Variants in SLC38A2 observed in about 807,000 individuals in gnomAD.
SLC38A2 encodes sodium-coupled neutral amino acid symporter 2.
SLC38A2 carries 11 observed loss-of-function variants against 61.5 expected under a neutral mutation model. The observed-to-expected ratio is 0.18, with a 90% CI of 0.11 to 0.30. SLC38A2 has a LOEUF of 0.30. Ranked by LOEUF, SLC38A2 falls within the 10% of genes least tolerant of loss-of-function variation. SLC38A2 has a pLI of 1.00. For missense variants in SLC38A2, 522 were observed against 600.4 expected (o/e 0.87, Z 1.36); for synonymous variants, 217 against 212.5 (o/e 1.02, Z -0.18).
At chr12:46,362,063 T>C in intron 15 of SLC38A2, 1 of 455,420 alleles carries the variant, frequency 2.2e-6, no homozygotes, top group South Asian at 3.4e-5. Flanking sequence ...CCAAAGTATC[T>C]AATAACTTTA....
Position 46,367,099 on chromosome 12 carries a change from G to A in SLC38A2, c.458C>T (p.Ser153Leu). ...GLVGKLAASG[S>L]ITMQNIGAMS... ...ACCTCCAATGTTCTGCATTGTAATT[G>A]ATCCAGATGCTGCAAGCTTTCCAAC... Residue 153 changes from serine (S) to leucine (L), a missense_variant, in exon 6 of 16, where the codon TCA (serine) becomes TTA (leucine). By Grantham distance (145) the Ser-to-Leu change is moderately radical. This residue lies in a region of SLC38A2 where 111 missense variants were observed against 173.4 expected (regional missense o/e 0.64). Coordinates refer to ENST00000256689, the MANE Select transcript of SLC38A2 (RefSeq NM_018976.5). 2.5e-6 allele frequency: 4 copies of A among 1,614,012 alleles called. No homozygotes were observed. The highest frequency in any genetic ancestry group is 3.4e-6 in the Non-Finnish European group (4 of 1,179,960).
rs570936381 is a variant in SLC38A2 at position 46,371,335 on chromosome 12, G to A, written c.-42C>T. ...AATCGGGTGCAGCTAGTAGCGCTGG[G>A]CTCCTTTTGTCCTTGGCGGTGGGTG... On this transcript the variant is annotated 5_prime_UTR_variant, in exon 2 of 16. Transcript: ENST00000256689. 39 of 1,533,802 alleles carry A rather than the reference G, an allele frequency of 2.5e-5. No individual in the cohort carries two copies. The highest frequency in any genetic ancestry group is 3.3e-5 in the Non-Finnish European group (37 of 1,107,920).
intron 12 of SLC38A2, 125 bp from the exon 13 acceptor site, chr12:46,363,270 A>G (rs768287530): frequency 7.9e-6 from 9 of 1,141,384 alleles, no homozygotes; most frequent in Admixed American, 7.1e-5. Flanking sequence ...TAAGAGGCTA[A>G]TAAGATTTGT....
At position 46,359,366 on chromosome 12, in the gene SLC38A2, T is replaced by C. The variant is rs574237694; in HGVS notation, c.*1745A>G. The C allele has an allele frequency of 6.5e-6, 1 of 152,786 alleles. No individual in the cohort carries two copies. Among genetic ancestry groups the C allele is most frequent in the East Asian group, 1.9e-4 (1 of 5,192 alleles). 9.5% of individuals were successfully genotyped at this position (152,786 alleles called of 1,614,324 possible). On this transcript the variant is annotated 3_prime_UTR_variant, in exon 16 of 16. Transcript: ENST00000256689. The stretch of plus-strand genomic sequence containing the variant: ...AAAATGGACCAACGGTTTCACCCAA[T>C]GTAGCACTACAAGACGTCTTCCAGT...
chr12:46,360,923 T>C lies in SLC38A2; in HGVS notation c.*188A>G. On this transcript the variant is annotated 3_prime_UTR_variant, in exon 16 of 16. Coordinates refer to ENST00000256689, the MANE Select transcript of SLC38A2 (RefSeq NM_018976.5). ...TTGTTGTTCATATCCATTTCTAACA[T>C]ACAGATAAGTTTCTTAAAAAAACAA... 1 of 551,662 alleles carries C rather than the reference T, an allele frequency of 1.8e-6. No individual in the cohort carries two copies. Among genetic ancestry groups the C allele is most frequent in the Non-Finnish European group, 3.2e-6 (1 of 313,952 alleles). The allele number at this position is 551,662 out of a possible 1,614,324, so 34.2% of individuals were successfully genotyped here. A position where few individuals can be genotyped will look rare whatever the true frequency, so the allele number is the denominator to read the frequency against.
intron 10 of SLC38A2, 111 bp downstream of exon 10, chr12:46,364,278 C>T: frequency 1.7e-6 from 2 of 1,156,974 alleles, no homozygotes; most frequent in Non-Finnish European, 2.4e-6. Context: ...TAGCTAATCA[C>T]ATGTTTTCTA....
In SLC38A2 at chr12:46,367,066, A is replaced by C; in HGVS notation, c.481+10T>G. 1 of 1,613,474 alleles carries C rather than the reference A, an allele frequency of 6.2e-7. No individual in the cohort carries two copies. Among genetic ancestry groups the C allele is most frequent in the Non-Finnish European group, 8.5e-7 (1 of 1,179,606 alleles). On this transcript the variant is annotated intron_variant, in intron 6 of 15. Coordinates refer to ENST00000256689, the MANE Select transcript of SLC38A2 (RefSeq NM_018976.5). Reference sequence around the variant, plus strand: ...AAGTCTACCCAAATAATCTTTTGAAAAATTCTTACCTCCAATGTTCTGCAT... The same window carrying C: ...AAGTCTACCCAAATAATCTTTTGAACAATTCTTACCTCCAATGTTCTGCAT...
rs144277927 is a variant in SLC38A2, at chr12:46,363,753, C to A, written c.1027G>T (p.Ala343Ser). 6.3e-7 allele frequency: 1 copy of A among 1,588,810 alleles called. No individual in the cohort carries two copies. The highest frequency in any genetic ancestry group is 8.5e-7 in the Non-Finnish European group (1 of 1,171,784). The change falls in exon 12 of 16, where the codon GCC becomes TCC. Residue 343 changes from alanine to serine, a missense_variant. By Grantham distance (99) the Ala-to-Ser change is moderately conservative (BLOSUM62 1). Around this residue, in one of 3 missense-constraint regions of SLC38A2, gnomAD observed 309 missense variants for 343.9 expected, o/e 0.90. Transcript: ENST00000256689. ...FAMFLMYLLA[A>S]LFGYLTFYEH... ...TAAAATGTTAGGTATCCAAAGAGGG[C>A]GGCAAGCAGATACATGAGAAACATA...
rs556586156 is a variant in SLC38A2, at chr12:46,368,034, C to CTGAG, written c.315-698_315-695dup. On this transcript the variant is annotated intron_variant, in intron 4 of 15. Coordinates refer to ENST00000256689, the MANE Select transcript of SLC38A2 (RefSeq NM_018976.5). ...ACACCTATAGTCTCAGCTACTCAGGCTGAGGTGGGGGTATCACTTGAGCCC... is the reference window on the plus strand; with the variant it reads ...ACACCTATAGTCTCAGCTACTCAGGCTGAGTGAGGTGGGGGTATCACTTGAGCCC... Among the ~76,000 whole-genome samples, 727 of 152,132 alleles carry CTGAG rather than the reference C, an allele frequency of 4.8e-3. 6 individuals are homozygous for CTGAG. Among genetic ancestry groups the CTGAG allele is most frequent in the Non-Finnish European group, 8.9e-3 (606 of 68,006 alleles).
At chr12:46,364,938 A>T in intron 8 of SLC38A2, 169 bp downstream of exon 8, 1 of 715,492 alleles carries the variant, frequency 1.4e-6, no homozygotes, top group Non-Finnish European at 2.4e-6. Flanking sequence ...AGCACAACAT[A>T]TAGTGTCAAT....
At chr12:46,368,414 A>T (rs1335495220) in intron 4 of SLC38A2, among the ~76,000 whole-genome samples, 1 of 152,206 alleles carries the variant, frequency 6.6e-6, no homozygotes, top group Admixed American at 6.5e-5. Context: ...AAGGTAACAT[A>T]GAGTGACTAA....
At chr12:46,364,090 C>A in intron 10 of SLC38A2, 87 bp from the exon 11 acceptor site, 1 of 1,199,396 alleles carries the variant, frequency 8.3e-7, no homozygotes, top group Admixed American at 2.8e-5. Flanking sequence ...TGTAAACAAT[C>A]TTAGAATCAA....
rs1317859739 is a variant in SLC38A2 at position 46,359,301 on chromosome 12, T to C, written c.*1810A>G. The C allele has an allele frequency of 1.3e-5, 2 of 152,628 alleles. No homozygotes were observed. The highest frequency in any genetic ancestry group is 2.9e-5 in the Non-Finnish European group (2 of 68,034). The allele number at this position is 152,628 out of a possible 1,614,324, so 9.5% of individuals were successfully genotyped here. ...TGTCTTCCCACTGCCTTTCTATTTC[T>C]AGATGGCCCCCAATTATTTTATCTT... On this transcript the variant is annotated 3_prime_UTR_variant, in exon 16 of 16. Coordinates refer to ENST00000256689, the MANE Select transcript of SLC38A2 (RefSeq NM_018976.5).
At chr12:46,364,795 G>T (rs1592204219) in intron 8 of SLC38A2, 93 bp from the exon 9 acceptor site, 11 of 1,263,174 alleles carry the variant, frequency 8.7e-6, no homozygotes, top group Non-Finnish European at 1.2e-5. Context: ...ATTCTGCTGG[G>T]AAGACTTTAG....
Position 46,366,383 on chromosome 12 carries a change from C to T in SLC38A2, c.563+481G>A, listed in dbSNP as rs144709516. Among the ~76,000 whole-genome samples the T allele has an allele frequency of 4.6e-5, 7 of 152,108 alleles. No homozygotes were observed. In the East Asian group the frequency reaches 7.7e-4, roughly 17 times the overall value. On this transcript the variant is annotated intron_variant, in intron 7 of 15. Coordinates refer to ENST00000256689, the MANE Select transcript of SLC38A2 (RefSeq NM_018976.5). ...TTTAATTAATTTTGCACACCTGTCA[C>T]GAGATCAGGTGTGGATTTTCCACTT...
At chr12:46,369,613 AG>A (rs1455906846) in intron 4 of SLC38A2, among the ~76,000 whole-genome samples, 2 of 152,252 alleles carry the variant, frequency 1.3e-5, no homozygotes, top group East Asian at 3.8e-4. Context: ...TGCCTTAGCC[AG>A]GGGTCCACGG....
chr12:46,367,244 A>G, intron 5 of SLC38A2, 23 bp downstream of exon 5: 1 of 1,588,272 alleles, frequency 6.3e-7, no homozygotes, highest in East Asian at 2.2e-5. Context: ...ATTGTTTTAG[A>G]AAAATCAAGA....
At chr12:46,370,018 A>C (rs1943178111) in intron 4 of SLC38A2, among the ~76,000 whole-genome samples, 1 of 152,190 alleles carries the variant, frequency 6.6e-6, no homozygotes, top group Admixed American at 6.5e-5. Context: ...TCCTCGTCTT[A>C]AAACAAACAT....
At chr12:46,366,541 T>C (rs967249748) in intron 7 of SLC38A2, among the ~76,000 whole-genome samples, 2 of 152,178 alleles carry the variant, frequency 1.3e-5, no homozygotes, top group African/African-American at 4.8e-5. Flanking sequence ...TTTAATGTAA[T>C]TCAAAGCTTC....
Sources: gnomAD v4.1 joint callset for allele counts (sites outside exome capture counted in the v4.1 genomes callset) on GRCh38, gnomAD v4.1.1 for gene constraint, gnomAD v4.1.1 regional missense constraint, MANE v1.5 for transcripts, NCBI Gene and HGNC (gene_info 2026-07-23, HGNC 2026-07-21) for gene names.